The following USH2A variants were observed in gnomAD, a reference collection of about 807,000 sequenced individuals.
USH2A encodes usherin, also known as Usher syndrome 2A (autosomal recessive, mild).
A neutral mutation model predicts 538.9 loss-of-function variants in USH2A; 443 were observed. That is an observed-to-expected ratio of 0.82 (90% CI 0.76 to 0.89). The LOEUF (loss-of-function observed/expected upper bound fraction) is 0.89. Ranked by LOEUF, USH2A falls within the 40% of genes least tolerant of loss-of-function variation. USH2A has a pLI of 0.00. For missense variants in USH2A, 6,633 were observed against 6,324.8 expected (o/e 1.05, Z -1.65); for synonymous variants, 2,413 against 2,273.5 (o/e 1.06, Z -1.75).
At chr1:215,728,531 A>G (rs959298741) in intron 60 of USH2A, 147 bp from the exon 61 acceptor site, 7 of 753,624 alleles carry the variant, frequency 9.3e-6, no homozygotes, top group African/African-American at 7.0e-5. Flanking sequence ...GAAAAACCAG[A>G]TGGAGAAGTA....
At chr1:216,175,537 A>G (rs2102641350) in intron 20 of USH2A, 55 bp from the exon 21 acceptor site, 2 of 1,464,018 alleles carry the variant, frequency 1.4e-6, no homozygotes, top group Non-Finnish European at 1.9e-6. Flanking sequence ...GTCTCTAGAC[A>G]CACATATTCA....
At position 215,911,136 on chromosome 1, in the gene USH2A, A is replaced by G. The variant is rs182707795; in HGVS notation, c.7301-10231T>C. On this transcript the variant is annotated intron_variant, in intron 38 of 71. Coordinates refer to ENST00000307340, the MANE Select transcript of USH2A (RefSeq NM_206933.4). ...TGAGATGTTTTGATACAGGCATGCA[A>G]TGTGAAACAAGCACATCATGGAGAA... is the stretch of plus-strand genomic sequence containing the variant. 1.3e-3 allele frequency among the ~76,000 whole-genome samples: 198 copies of G among 152,046 alleles called. 2 individuals carry two copies. Among genetic ancestry groups the G allele is most frequent in the African/African-American group, 4.4e-3 (181 of 41,500 alleles).
chr1:216,016,386 C>T (rs1000796252), intron 32 of USH2A, among the ~76,000 whole-genome samples: 2 of 152,062 alleles, frequency 1.3e-5, no homozygotes, highest in Non-Finnish European at 2.9e-5. Context: ...AAAGAAATCG[C>T]TTTGCTATGA....
chr1:215,925,465 T>G (rs781438208), intron 38 of USH2A, among the ~76,000 whole-genome samples: 1 of 152,190 alleles, frequency 6.6e-6, no homozygotes, highest in African/African-American at 2.4e-5. Context: ...ATTCGAAAGA[T>G]TCATATGAAC....
At chr1:216,389,812 G>A (rs749438912) in intron 3 of USH2A, among the ~76,000 whole-genome samples, 8 of 152,040 alleles carry the variant, frequency 5.3e-5, no homozygotes, top group African/African-American at 9.7e-5. Context: ...ACAGAGGACA[G>A]TTTTTCTATA....
intron 14 of USH2A, among the ~76,000 whole-genome samples, chr1:216,221,163 A>T (rs2035451696): frequency 6.6e-6 from 1 of 152,144 alleles, no homozygotes; most frequent in African/African-American, 2.4e-5. Flanking sequence ...ATTAATCCAA[A>T]CATGGTTTGT....
At chr1:215,733,690 A>G (rs192912601) in intron 60 of USH2A, among the ~76,000 whole-genome samples, 95 of 152,348 alleles carry the variant, frequency 6.2e-4, no homozygotes, top group African/African-American at 2.2e-3. Flanking sequence ...TGGCTAACAG[A>G]AAGGGCCTAT....
At chr1:216,308,261 G>T (rs1484970862) in intron 9 of USH2A, among the ~76,000 whole-genome samples, 1 of 152,178 alleles carries the variant, frequency 6.6e-6, no homozygotes, top group Non-Finnish European at 1.5e-5. Context: ...CTACTGTAAA[G>T]TGTTCCACGT....
intron 60 of USH2A, among the ~76,000 whole-genome samples, chr1:215,740,588 C>A (rs941630560): frequency 2.6e-5 from 4 of 152,178 alleles, no homozygotes; most frequent in Non-Finnish European, 5.9e-5. Context: ...AAAGCACCAT[C>A]TTTGGAGGAG....
At chr1:215,856,800 G>T (rs1452883377) in intron 44 of USH2A, among the ~76,000 whole-genome samples, 3 of 151,244 alleles carry the variant, frequency 2.0e-5, no homozygotes, top group Non-Finnish European at 4.4e-5. Flanking sequence ...CAGCCCAAAC[G>T]CCCATCAATC....
At chr1:216,160,546 A>G (rs1055538390) in intron 21 of USH2A, among the ~76,000 whole-genome samples, 1 of 152,128 alleles carries the variant, frequency 6.6e-6, no homozygotes, top group Admixed American at 6.6e-5. Context: ...CTGAAGTGGG[A>G]AGACTGCTTG....
intron 20 of USH2A, among the ~76,000 whole-genome samples, chr1:216,175,830 G>A (rs1275651362): frequency 6.6e-6 from 1 of 152,072 alleles, no homozygotes; most frequent in Non-Finnish European, 1.5e-5. Flanking sequence ...TACCAAGCAG[G>A]TACCCCAATG....
chr1:216,168,615 G>A (rs1437770317), intron 21 of USH2A, among the ~76,000 whole-genome samples: 1 of 152,062 alleles, frequency 6.6e-6, no homozygotes, highest in Non-Finnish European at 1.5e-5. Context: ...GCCTTTGTAT[G>A]ACTAACAAAT....
At chr1:216,164,240 T>C (rs1321501552) in intron 21 of USH2A, among the ~76,000 whole-genome samples, 1 of 152,036 alleles carries the variant, frequency 6.6e-6, no homozygotes, top group African/African-American at 2.4e-5. Context: ...GAAAGCAATA[T>C]CAAAGCTTGA....
intron 30 of USH2A, among the ~76,000 whole-genome samples, chr1:216,061,316 A>G (rs1420318219): frequency 1.3e-5 from 2 of 152,182 alleles, no homozygotes; most frequent in Non-Finnish European, 2.9e-5. Flanking sequence ...TGAACATAAA[A>G]TCCCACTTCC....
At chr1:215,827,896 TTAAATG>T (rs1663199989) in intron 47 of USH2A, among the ~76,000 whole-genome samples, 1 of 152,136 alleles carries the variant, frequency 6.6e-6, no homozygotes, top group South Asian at 2.1e-4. Flanking sequence ...AATAATTAAA[TTAAATG>T]TAAAATATTA....
intron 58 of USH2A, among the ~76,000 whole-genome samples, chr1:215,755,779 C>T (rs1444273037): frequency 6.6e-6 from 1 of 152,032 alleles, no homozygotes; most frequent in Non-Finnish European, 1.5e-5. Context: ...TTATACAAAG[C>T]CTGAGGTATG....
intron 56 of USH2A, among the ~76,000 whole-genome samples, chr1:215,764,149 G>A (rs2102746065): frequency 6.6e-6 from 1 of 152,220 alleles, no homozygotes; most frequent in African/African-American, 2.4e-5. Context: ...GAGAGCTTTA[G>A]TATTTGGTAG....
chr1:216,274,036 T>C (rs1448664541), intron 11 of USH2A, among the ~76,000 whole-genome samples: 1 of 152,112 alleles, frequency 6.6e-6, no homozygotes, highest in African/African-American at 2.4e-5. Context: ...GGAATCTTCA[T>C]TTTTAAAAAG....
Sources: gnomAD v4.1 joint callset for allele counts (sites outside exome capture counted in the v4.1 genomes callset) on GRCh38, gnomAD v4.1.1 for gene constraint, MANE v1.5 for transcripts, NCBI Gene and HGNC (gene_info 2026-07-23, HGNC 2026-07-21) for gene names.